TRMT2B: variants seen among roughly 807,000 people sequenced by gnomAD.
TRMT2B encodes the protein tRNA (uracil-5-)-methyltransferase homolog B.
In TRMT2B, 34 loss-of-function variants were observed where a neutral mutation model predicts 39.7. The ratio of observed to expected loss-of-function variants is 0.86; its 90% CI spans 0.65 to 1.14. The LOEUF (loss-of-function observed/expected upper bound fraction) is 1.14, where lower values mean the gene tolerates loss of function less well. Ranked by LOEUF, TRMT2B falls within the 50% of genes most tolerant of loss-of-function variation. The pLI is 0.00. For synonymous variants in TRMT2B, 132 were observed against 137.3 expected (o/e 0.96, Z 0.27); for missense variants, 318 against 377.2 (o/e 0.84, Z 1.30).
chrX:101,036,711 C>T (rs909648761), intron 6 of TRMT2B, among the ~76,000 whole-genome samples: 3 of 111,471 alleles, frequency 2.7e-5, no homozygotes, highest in Non-Finnish European at 3.8e-5. Flanking sequence ...GCAGCAACAA[C>T]GCCAGCATTT....
intron 4 of TRMT2B, among the ~76,000 whole-genome samples, chrX:101,039,086 T>A (rs1242685869): frequency 9.1e-6 from 1 of 109,828 alleles, no homozygotes; most frequent in East Asian, 2.9e-4. Context: ...TGTTTTTTTT[T>A]GAGACGGAGT....
downstream of TRMT2B, among the ~76,000 whole-genome samples, chrX:101,008,872 C>T (rs1172047625): frequency 9.0e-6 from 1 of 111,464 alleles, no homozygotes; most frequent in Non-Finnish European, 1.9e-5. Context: ...CTAAACTGTT[C>T]ACTCAGCCCT....
At chrX:101,040,936 G>A (rs771388225) in intron 4 of TRMT2B, among the ~76,000 whole-genome samples, 14 of 111,797 alleles carry the variant, frequency 1.3e-4, no homozygotes, top group Non-Finnish European at 2.3e-4. Context: ...AAGGCCCGGC[G>A]CGGTGGCTCA....
rs193047980 is a variant in TRMT2B at position 101,019,696 on chromosome X, C to T, written c.1169-293G>A. 3.5e-3 allele frequency among the ~76,000 whole-genome samples: 373 copies of T among 107,252 alleles called. 2 individuals carry two copies. The highest frequency in any genetic ancestry group is 4.9e-3 in the Middle Eastern group (1 of 204). The allele number at this position is 107,252 out of a possible 115,157, so 93.1% of individuals were successfully genotyped here. On this transcript the variant is annotated intron_variant, in intron 11 of 13. Transcript: ENST00000372936. The stretch of plus-strand genomic sequence containing the variant: ...TCACCCAGACCAGAATGCAGTGGTG[C>T]GATCTCGGCACACTGCAACCTCCAC...
intron 2 of TRMT2B, among the ~76,000 whole-genome samples, chrX:101,047,514 C>T (rs967834621): frequency 4.5e-5 from 5 of 111,233 alleles, no homozygotes; most frequent in African/African-American, 1.6e-4. Context: ...TGTGAAAGCA[C>T]CTGGTTTTTG....
the TRMT2B span, chrX:100,973,646 C>A: frequency 7.0e-5 from 83 of 1,183,839 alleles, 1 homozygote; most frequent in African/African-American, 1.2e-3. Flanking sequence ...GGACTTACTT[C>A]TTATTTTCTT....
chrX:101,008,262 T>C (rs2086136042), downstream of TRMT2B, among the ~76,000 whole-genome samples: 1 of 111,533 alleles, frequency 9.0e-6, no homozygotes, highest in Non-Finnish European at 1.9e-5. Flanking sequence ...ATACAGGGAA[T>C]AAATGGAAAA....
At chrX:100,988,485 T>C in the TRMT2B span, 1 of 1,179,847 alleles carries the variant, frequency 8.5e-7, no homozygotes, top group Non-Finnish European at 1.1e-6. Context: ...CTCAGAATAC[T>C]ACGAAGCTTT....
chrX:101,036,903 C>T (rs1007142921), intron 6 of TRMT2B, 71 bp downstream of exon 6: 1 of 832,471 alleles, frequency 1.2e-6, no homozygotes, highest in African/African-American at 2.0e-5. Context: ...CCGTATTTTC[C>T]ACTTCTACTG....
chrX:101,035,221 G>C (rs1276951504), intron 7 of TRMT2B, among the ~76,000 whole-genome samples: 1 of 110,998 alleles, frequency 9.0e-6, no homozygotes, highest in Non-Finnish European at 1.9e-5. Context: ...ACGTATCAGA[G>C]GCCAAGCTCA....
intron 2 of TRMT2B, among the ~76,000 whole-genome samples, chrX:101,049,483 T>A (rs186118126): frequency 4.0e-5 from 2 of 49,663 alleles, no homozygotes; most frequent in African/African-American, 2.4e-4. Flanking sequence ...GGAGACCCTG[T>A]CTCCAAAAAA....
At chrX:100,994,657 G>A in the TRMT2B span, among the ~76,000 whole-genome samples, 1 of 111,846 alleles carries the variant, frequency 8.9e-6, no homozygotes, top group Non-Finnish European at 1.9e-5. Flanking sequence ...ACGCAGCAAA[G>A]GTTAAGAAAG....
At chrX:101,029,337 T>G (rs2095988526) in intron 7 of TRMT2B, among the ~76,000 whole-genome samples, 1 of 111,434 alleles carries the variant, frequency 9.0e-6, no homozygotes, top group Non-Finnish European at 1.9e-5. Flanking sequence ...GGCTGATCCA[T>G]GCACTGTAGG....
intron 2 of TRMT2B, among the ~76,000 whole-genome samples, chrX:101,046,007 A>G (rs1458742160): frequency 7.5e-5 from 8 of 107,158 alleles, no homozygotes; most frequent in Non-Finnish European, 1.5e-4. Context: ...TTAGCCGGGC[A>G]TGGTGGCATG....
chrX:101,043,986 G>A (rs1026410770), intron 2 of TRMT2B, among the ~76,000 whole-genome samples: 1 of 112,065 alleles, frequency 8.9e-6, no homozygotes, highest in South Asian at 3.7e-4. Flanking sequence ...GCTCACGCCT[G>A]TAATCCCAAC....
chrX:101,019,193 C>T, intron 12 of TRMT2B, 91 bp downstream of exon 12: 2 of 1,162,397 alleles, frequency 1.7e-6, no homozygotes, highest in Non-Finnish European at 2.3e-6. Context: ...TCAGAGCCAG[C>T]CCACTGGGAG....
At position 101,042,046 on chromosome X, in the gene TRMT2B, C is replaced by T. The variant is rs2088267933; in HGVS notation, c.244G>A (p.Glu82Lys). The change falls in exon 3 of 14, where the codon GAA becomes AAA. Residue 82 changes from glutamate to lysine, a missense_variant. Glu to Lys is a moderately conservative substitution (Grantham distance 56). Coordinates refer to ENST00000372936, the MANE Select transcript of TRMT2B (RefSeq NM_024917.6). ...GGACATCAGCCTGGCCTTTACCTTT[C>T]CTGCCAGGAACCATCTAGTGGTCCA... Reference protein sequence around the residue: ...HLGPLDGSWQERLADVVTPLW... With the variant: ...HLGPLDGSWQKRLADVVTPLW... The T allele has an allele frequency of 2.5e-6, 3 of 1,210,029 alleles. No homozygotes were observed. The highest frequency in any genetic ancestry group is 3.5e-5 in the African/African-American group (2 of 57,388).
chrX:100,996,795 C>G, the TRMT2B span, among the ~76,000 whole-genome samples: 1 of 110,646 alleles, frequency 9.0e-6, no homozygotes, highest in African/African-American at 3.3e-5. Context: ...GCCTGTAGTC[C>G]CAGCTACTCA....
chrX:101,028,338 C>T (rs1443242711), intron 7 of TRMT2B, among the ~76,000 whole-genome samples: 1 of 109,689 alleles, frequency 9.1e-6, no homozygotes, highest in African/African-American at 3.3e-5. Context: ...AGGCTAGTCT[C>T]CAACTCCTGA....
Sources: allele counts gnomAD v4.1 joint callset (sites outside exome capture counted in the v4.1 genomes callset), GRCh38; gene constraint gnomAD v4.1.1; transcripts MANE v1.5; gene names NCBI Gene and HGNC (gene_info 2026-07-23, HGNC 2026-07-21).